Variants in ANKRD28 observed in about 807,000 individuals in gnomAD.
ANKRD28 encodes the protein ankyrin repeat domain 28, also known as serine/threonine-protein phosphatase 6 regulatory ankyrin repeat subunit A.
In ANKRD28, 44 loss-of-function variants were observed where a neutral mutation model predicts 126.5. That is an observed-to-expected ratio of 0.35 (90% CI 0.27 to 0.45). The LOEUF is 0.45. Among genes scored for constraint, ANKRD28 ranks in the 20% least tolerant of loss-of-function variants. The probability of loss-of-function intolerance (pLI) is 1.00; values close to 1 mark genes in which losing one functional copy is unlikely to be tolerated. For missense variants in ANKRD28, 1,110 were observed against 1,316.6 expected, an observed-to-expected ratio of 0.84 and a Z score of 2.43; for synonymous variants, 442 against 468.5, an observed-to-expected ratio of 0.94 and a Z score of 0.73.
chr3:15,835,579 T>C (rs2061306545), intron 1 of ANKRD28, among the ~76,000 whole-genome samples: 1 of 152,214 alleles, frequency 6.6e-6, no homozygotes, highest in South Asian at 2.1e-4. Flanking sequence ...TATAAAAGTT[T>C]CCAATGGTTG....
At position 15,735,502 on chromosome 3, in the gene ANKRD28, A is replaced by G; in HGVS notation, c.553-5T>C. The G allele has an allele frequency of 2.6e-6, 4 of 1,544,392 alleles. No homozygotes were observed. Among genetic ancestry groups the G allele is most frequent in the Non-Finnish European group, 3.5e-6 (4 of 1,141,394 alleles). ...AGACAAGAGTAGTTTGACCATCTGG[A>G]ATAGAAGTAAACACAGTGTCATCAA... On this transcript the variant is annotated splice_region_variant and splice_polypyrimidine_tract_variant and intron_variant, in intron 5 of 27. Coordinates refer to ENST00000683139, the MANE Select transcript of ANKRD28 (RefSeq NM_001349278.2).
At chr3:15,788,853 G>T (rs1323364084) in intron 2 of ANKRD28, among the ~76,000 whole-genome samples, 2 of 152,006 alleles carry the variant, frequency 1.3e-5, no homozygotes, top group Non-Finnish European at 2.9e-5. Flanking sequence ...TCCTGAATTT[G>T]GAGTGGGGAA....
At chr3:15,799,993 C>T (rs1438633988), upstream of ANKRD28, among the ~76,000 whole-genome samples, 1 of 151,958 alleles carries the variant, frequency 6.6e-6, no homozygotes, top group Non-Finnish European at 1.5e-5. Context: ...CATTAAGGTG[C>T]AACAAAGTGA....
chr3:15,782,909 C>G (rs887602196), intron 2 of ANKRD28, among the ~76,000 whole-genome samples: 4 of 152,068 alleles, frequency 2.6e-5, no homozygotes, highest in African/African-American at 9.7e-5. Flanking sequence ...AAACTGTTAG[C>G]TGGCATAAAG....
intron 4 of ANKRD28, among the ~76,000 whole-genome samples, chr3:15,749,730 A>G (rs963000373): frequency 2.0e-5 from 3 of 152,158 alleles, no homozygotes; most frequent in African/African-American, 7.2e-5. Flanking sequence ...AGGAATGGGT[A>G]TTCCTGAGAG....
chr3:15,750,174 C>T (rs2057771853), intron 4 of ANKRD28, among the ~76,000 whole-genome samples: 1 of 152,150 alleles, frequency 6.6e-6, no homozygotes, highest in Admixed American at 6.5e-5. Flanking sequence ...ATTGTACCTT[C>T]TTATGACTTA....
Position 15,679,510 on chromosome 3 carries a change from C to T in ANKRD28, c.2443G>A (p.Glu815Lys). ...LLEQEVFQKTEGNAFSPLHCA... is the reference protein window; with the variant it reads ...LLEQEVFQKTKGNAFSPLHCA... ...TGCAATGGACTAAAAGCATTTCCTTCCGTTTTCTGGAAAACTTCCTGTTCT... is the reference window on the plus strand; with the variant it reads ...TGCAATGGACTAAAAGCATTTCCTTTCGTTTTCTGGAAAACTTCCTGTTCT... Residue 815 changes from glutamate to lysine, a missense_variant, in exon 22 of 28, where the codon GAA becomes AAA. Coordinates refer to ENST00000683139, the MANE Select transcript of ANKRD28 (RefSeq NM_001349278.2). 1 of 1,613,844 alleles carries T rather than the reference C, an allele frequency of 6.2e-7. No individual in the cohort carries two copies. Among genetic ancestry groups the T allele is most frequent in the Non-Finnish European group, 8.5e-7 (1 of 1,179,824 alleles).
At position 15,686,047 on chromosome 3, in the gene ANKRD28, A is replaced by C; in HGVS notation, c.2124T>G (p.Asn708Lys). The change falls in exon 20 of 28, where the codon AAT (asparagine) becomes AAG (lysine). Residue 708 changes from asparagine (N) to lysine (K), a missense_variant. Transcript: ENST00000683139. ...CVYSLLNKGA[N>K]VDAKDKWGRT... is the part of the protein sequence containing the mutation. ...TTCCCCACTTATCTTTGGCATCTAC[A>C]TTTGCTCCTTTGTTCAGCAATGAGT... 2 of 1,613,782 alleles carry C rather than the reference A, an allele frequency of 1.2e-6. No individual in the cohort carries two copies. Among genetic ancestry groups the C allele is most frequent in the Non-Finnish European group, 1.7e-6 (2 of 1,179,820 alleles).
At position 15,796,787 on chromosome 3, in the gene ANKRD28, A is replaced by G; in HGVS notation, c.-266T>C. On this transcript the variant is annotated 5_prime_UTR_variant, in exon 1 of 28. Transcript: ENST00000683139. ...ATACTTAAGAAGAAATTTCACACCAACATGTCAATAACTAAAACTGAGTCC... is the reference window on the plus strand; with the variant it reads ...ATACTTAAGAAGAAATTTCACACCAGCATGTCAATAACTAAAACTGAGTCC... 1 of 991,584 alleles carries G rather than the reference A, an allele frequency of 1.0e-6. No individual in the cohort carries two copies. Among genetic ancestry groups the G allele is most frequent in the African/African-American group, 1.7e-5 (1 of 57,398 alleles). The allele number at this position is 991,584 out of a possible 1,614,324, so 61.4% of individuals were successfully genotyped here.
intron 1 of ANKRD28, among the ~76,000 whole-genome samples, chr3:15,810,992 A>C (rs995545206): frequency 6.6e-6 from 1 of 152,186 alleles, no homozygotes; most frequent in African/African-American, 2.4e-5. Flanking sequence ...AATCCCCTAT[A>C]AATTCATAAC....
intron 1 of ANKRD28, among the ~76,000 whole-genome samples, chr3:15,837,533 C>G (rs1416273161): frequency 6.6e-6 from 1 of 151,872 alleles, no homozygotes; most frequent in African/African-American, 2.4e-5. Flanking sequence ...AACAAGACAC[C>G]TGTAAATAAC....
intron 14 of ANKRD28, among the ~76,000 whole-genome samples, chr3:15,707,067 G>A (rs1351400190): frequency 6.6e-6 from 1 of 152,088 alleles, no homozygotes; most frequent in African/African-American, 2.4e-5. Context: ...CTTATTTTGA[G>A]GGCGAAAAGT....
chr3:15,761,321 A>G (rs1346295437), intron 3 of ANKRD28, among the ~76,000 whole-genome samples: 1 of 152,182 alleles, frequency 6.6e-6, no homozygotes. Flanking sequence ...TACTAACTAT[A>G]AACAAATTAG....
chr3:15,856,889 A>G (rs1045751280), intron 1 of ANKRD28, among the ~76,000 whole-genome samples: 1 of 152,244 alleles, frequency 6.6e-6, no homozygotes, highest in South Asian at 2.1e-4. Context: ...ACAGCGAAAC[A>G]GACCTAAAAA....
intron 1 of ANKRD28, among the ~76,000 whole-genome samples, chr3:15,820,222 T>A (rs887509296): frequency 6.6e-6 from 1 of 152,186 alleles, no homozygotes; most frequent in Non-Finnish European, 1.5e-5. Flanking sequence ...CATGTCTGTA[T>A]GTGTGTATAT....
chr3:15,717,462 A>G (rs993115303), intron 8 of ANKRD28, among the ~76,000 whole-genome samples: 1 of 152,156 alleles, frequency 6.6e-6, no homozygotes, highest in Non-Finnish European at 1.5e-5. Context: ...CTGGAGAAAC[A>G]ATGTGGAGTT....
intron 7 of ANKRD28, among the ~76,000 whole-genome samples, chr3:15,723,107 A>G (rs1375464559): frequency 1.3e-5 from 2 of 152,222 alleles, no homozygotes; most frequent in African/African-American, 4.8e-5. Flanking sequence ...CAGTAATCAG[A>G]AACAAAGTTG....
At chr3:15,743,679 T>C (rs2125263825) in intron 4 of ANKRD28, among the ~76,000 whole-genome samples, 1 of 152,210 alleles carries the variant, frequency 6.6e-6, no homozygotes, top group East Asian at 1.9e-4. Flanking sequence ...AGCTGAACTA[T>C]ATGCTACTCT....
intron 1 of ANKRD28, among the ~76,000 whole-genome samples, chr3:15,836,162 A>C (rs2061322513): frequency 6.6e-6 from 1 of 152,102 alleles, no homozygotes; most frequent in African/African-American, 2.4e-5. Context: ...AAAGACTATA[A>C]ATGTTTTTCT....
Sources: gnomAD v4.1 joint callset for allele counts (sites outside exome capture counted in the v4.1 genomes callset) on GRCh38, gnomAD v4.1.1 for gene constraint, MANE v1.5 for transcripts, NCBI Gene and HGNC (gene_info 2026-07-23, HGNC 2026-07-21) for gene names.